IGF2BP3: variants seen among roughly 807,000 people sequenced by gnomAD.
The protein encoded by IGF2BP3 is insulin-like growth factor 2 mRNA-binding protein 3.
In IGF2BP3, 9 loss-of-function variants were observed where a neutral mutation model predicts 73.8. That is an observed-to-expected ratio of 0.12 (90% CI 0.07 to 0.21). IGF2BP3 has a LOEUF of 0.21. Ranked by LOEUF, IGF2BP3 falls within the 10% of genes least tolerant of loss-of-function variation. IGF2BP3 has a pLI of 1.00. For missense variants in IGF2BP3, 542 were observed against 714.0 expected (o/e 0.76, Z 2.75); for synonymous variants, 258 against 256.7 (o/e 1.01, Z -0.05).
At chr7:23,391,930 C>T (rs1453825850) in intron 3 of IGF2BP3, among the ~76,000 whole-genome samples, 1 of 152,142 alleles carries the variant, frequency 6.6e-6, no homozygotes, top group Admixed American at 6.5e-5. Context: ...GTTCAAGAAA[C>T]AATAAGTAAA....
Position 23,389,064 on chromosome 7 carries a change from G to A in IGF2BP3, c.286-27323C>T, listed in dbSNP as rs149818280. Among the ~76,000 whole-genome samples the A allele has an allele frequency of 1.4e-3, 206 of 151,998 alleles. 2 individuals carry two copies. The highest frequency in any genetic ancestry group is 4.7e-3 in the African/African-American group (196 of 41,464). On this transcript the variant is annotated intron_variant, in intron 3 of 14. Coordinates refer to ENST00000258729, the MANE Select transcript of IGF2BP3 (RefSeq NM_006547.3). ...ACGTGCACTTTAAAGATGTGTTTAT[G>A]TCCATCATACTTCAATAAAGCTGTT...
chr7:23,390,244 C>T (rs1418709612), intron 3 of IGF2BP3, among the ~76,000 whole-genome samples: 1 of 152,014 alleles, frequency 6.6e-6, no homozygotes, highest in Non-Finnish European at 1.5e-5. Context: ...TGTATACCTG[C>T]ATAGAAGTAT....
At chr7:23,323,986 C>T (rs1583884404) in intron 10 of IGF2BP3, among the ~76,000 whole-genome samples, 1 of 151,992 alleles carries the variant, frequency 6.6e-6, no homozygotes, top group African/African-American at 2.4e-5. Context: ...CCAAAATTGA[C>T]ACCCTAACAT....
At chr7:23,344,191 A>T (rs1484772797) in intron 8 of IGF2BP3, among the ~76,000 whole-genome samples, 2 of 152,230 alleles carry the variant, frequency 1.3e-5, no homozygotes, top group Admixed American at 6.5e-5. Flanking sequence ...AAATGACTGG[A>T]AAGATGTATA....
chr7:23,416,040 T>A (rs1186748912), intron 3 of IGF2BP3: 2 of 152,184 alleles, frequency 1.3e-5, no homozygotes, highest in African/African-American at 4.8e-5. Context: ...CATAATCCTA[T>A]TTAATGCTCA....
At position 23,310,337 on chromosome 7, in the gene IGF2BP3, C is replaced by T. The variant is rs1783794244; in HGVS notation, c.*2025G>A. 6.6e-6 allele frequency: 1 copy of T among 152,162 alleles called. No homozygotes were observed. Among genetic ancestry groups the T allele is most frequent in the Non-Finnish European group, 1.5e-5 (1 of 68,026 alleles). 9.4% of individuals were successfully genotyped at this position (152,162 alleles called of 1,614,324 possible). Reference sequence around the variant, plus strand: ...ACAAAACTCAATTATAGAATTATTTCTTAGCTAGTACCAGATACTCCAAAT... The same window carrying T: ...ACAAAACTCAATTATAGAATTATTTTTTAGCTAGTACCAGATACTCCAAAT... On this transcript the variant is annotated 3_prime_UTR_variant, in exon 15 of 15. Transcript: ENST00000258729.
In IGF2BP3 at chr7:23,335,073, TAAA is replaced by T. The variant is rs5882898; in HGVS notation, c.1203+6988_1203+6990del. ...AACAAAATATTGAAGTCTTTAACAT[TAAA>T]AAAAAAAAAAAAAAAAAAAAGGCAA... On this transcript the variant is annotated intron_variant, in intron 10 of 14. Coordinates refer to ENST00000258729, the MANE Select transcript of IGF2BP3 (RefSeq NM_006547.3). Among the ~76,000 whole-genome samples, 215 of 69,166 alleles carry T rather than the reference TAAA, an allele frequency of 3.1e-3. 2 individuals carry two copies. The highest frequency in any genetic ancestry group is 0.012 in the African/African-American group (203 of 17,298). The allele number at this position is 69,166 out of a possible 152,430, so 45.4% of individuals were successfully genotyped here.
intron 9 of IGF2BP3, 150 bp from the exon 10 acceptor site, chr7:23,342,339 G>C (rs1222815386): frequency 1.5e-5 from 13 of 860,862 alleles, no homozygotes; most frequent in Non-Finnish European, 2.4e-5. Flanking sequence ...CTCTACTTGA[G>C]TACATCGTTT....
intron 1 of IGF2BP3, among the ~76,000 whole-genome samples, chr7:23,468,827 G>A (rs1433237789): frequency 1.3e-5 from 2 of 152,276 alleles, no homozygotes; most frequent in Non-Finnish European, 2.9e-5. Flanking sequence ...CCAACACCAC[G>A]AGGCCCGCAA....
At chr7:23,400,022 A>T (rs1053798481) in intron 3 of IGF2BP3, among the ~76,000 whole-genome samples, 1 of 152,162 alleles carries the variant, frequency 6.6e-6, no homozygotes, top group Non-Finnish European at 1.5e-5. Flanking sequence ...GTCCTTGGCT[A>T]GTGGATAAGG....
chr7:23,451,821 G>A (rs1436378125), intron 2 of IGF2BP3, among the ~76,000 whole-genome samples: 5 of 147,928 alleles, frequency 3.4e-5, no homozygotes, highest in Non-Finnish European at 6.0e-5. Flanking sequence ...GGAGGCAGGC[G>A]CCTATAATCT....
chr7:23,314,750 G>C (rs1465954087), intron 12 of IGF2BP3, among the ~76,000 whole-genome samples: 4 of 152,190 alleles, frequency 2.6e-5, no homozygotes, highest in Non-Finnish European at 5.9e-5. Context: ...CTCTTAGAAA[G>C]GTGGTTTTTC....
At chr7:23,367,446 C>CAAAA (rs778774496) in intron 3 of IGF2BP3, among the ~76,000 whole-genome samples, 13 of 133,552 alleles carry the variant, frequency 9.7e-5, no homozygotes, top group African/African-American at 4.1e-4. Flanking sequence ...TCTTAAAGGC[C>CAAAA]AAAAAAAAAA....
chr7:23,412,735 G>A (rs1787063511), intron 3 of IGF2BP3, among the ~76,000 whole-genome samples: 1 of 151,562 alleles, frequency 6.6e-6, no homozygotes, highest in Admixed American at 6.6e-5. Context: ...CCCAGCTTTG[G>A]GCATTTTTTG....
chr7:23,366,447 C>G (rs1295789380), intron 3 of IGF2BP3, among the ~76,000 whole-genome samples: 1 of 151,078 alleles, frequency 6.6e-6, no homozygotes, highest in Non-Finnish European at 1.5e-5. Context: ...CATGTAAAGT[C>G]TTTAGAAAGA....
In IGF2BP3 at chr7:23,317,907, T is replaced by C. The variant is rs188684727; in HGVS notation, c.1321-194A>G. 267 of 594,658 alleles carry C rather than the reference T, an allele frequency of 4.5e-4. 1 individual carries two copies. In the African/African-American group the frequency reaches 4.6e-3, roughly 10 times the overall value. The allele number at this position is 594,658 out of a possible 1,614,324, so 36.8% of individuals were successfully genotyped here. ...CCTCCTGCATATACTATATGCTTAT[T>C]CTGTGCCGGGCCCTAATGGAGACCT... On this transcript the variant is annotated intron_variant, in intron 11 of 14. Coordinates refer to ENST00000258729, the MANE Select transcript of IGF2BP3 (RefSeq NM_006547.3).
chr7:23,458,521 A>G (rs978557041), intron 2 of IGF2BP3, among the ~76,000 whole-genome samples: 16 of 152,156 alleles, frequency 1.1e-4, no homozygotes, highest in Non-Finnish European at 4.4e-5. Flanking sequence ...ACCTCTTGCA[A>G]TCTAAGAACA....
intron 10 of IGF2BP3, among the ~76,000 whole-genome samples, chr7:23,328,022 G>T (rs560966229): frequency 1.3e-5 from 2 of 152,012 alleles, no homozygotes; most frequent in African/African-American, 4.8e-5. Context: ...AATTTTAATC[G>T]TGTTTATTTA....
At chr7:23,388,411 A>G (rs1284688854) in intron 3 of IGF2BP3, among the ~76,000 whole-genome samples, 1 of 152,216 alleles carries the variant, frequency 6.6e-6, no homozygotes, top group Non-Finnish European at 1.5e-5. Flanking sequence ...GAAAAAACCA[A>G]AACTTTTTCA....
Sources: allele counts gnomAD v4.1 joint callset (sites outside exome capture counted in the v4.1 genomes callset), GRCh38; gene constraint gnomAD v4.1.1; transcripts MANE v1.5; gene names NCBI Gene and HGNC (gene_info 2026-07-23, HGNC 2026-07-21).